Variants in RAB3C observed in about 807,000 individuals in gnomAD.
RAB3C encodes RAB3C, member RAS oncogene family.
RAB3C carries 17 observed loss-of-function variants against 26.4 expected under a neutral mutation model. The observed-to-expected ratio is 0.64, with a 90% confidence interval of 0.44 to 0.97. The LOEUF (loss-of-function observed/expected upper bound fraction) is 0.97, where lower values mean the gene tolerates loss of function less well. RAB3C is among the 50% of genes least tolerant of loss of function. The pLI is 0.00. For missense variants in RAB3C, 242 were observed against 281.9 expected, an observed-to-expected ratio of 0.86 and a Z score of 1.01; for synonymous variants, 91 against 95.9, an observed-to-expected ratio of 0.95 and a Z score of 0.30.
chr5:58,598,977 C>G (rs1746390493), intron 1 of RAB3C, among the ~76,000 whole-genome samples: 1 of 152,140 alleles, frequency 6.6e-6, no homozygotes, highest in Non-Finnish European at 1.5e-5. Context: ...CATACCAACA[C>G]TTTTCCTTTG....
chr5:58,731,894 C>T (rs1322920344), intron 3 of RAB3C, among the ~76,000 whole-genome samples: 1 of 152,058 alleles, frequency 6.6e-6, no homozygotes, highest in East Asian at 1.9e-4. Context: ...TGGCATTGGC[C>T]TGAGATAAGC....
intron 1 of RAB3C, among the ~76,000 whole-genome samples, chr5:58,589,914 G>C (rs1254793653): frequency 6.6e-6 from 1 of 152,190 alleles, no homozygotes; most frequent in Non-Finnish European, 1.5e-5. Flanking sequence ...GAAGAAGGCT[G>C]TGTGTCAAGG....
At chr5:58,590,631 C>T (rs1252685393) in intron 1 of RAB3C, among the ~76,000 whole-genome samples, 2 of 152,036 alleles carry the variant, frequency 1.3e-5, no homozygotes, top group African/African-American at 4.8e-5. Flanking sequence ...CAATCTCTAC[C>T]TCCTGGGTTC....
intron 3 of RAB3C, among the ~76,000 whole-genome samples, chr5:58,797,763 C>T (rs2112023068): frequency 6.6e-6 from 1 of 152,236 alleles, no homozygotes; most frequent in East Asian, 1.9e-4. Context: ...CTTTTAACCA[C>T]AGGCCTACAG....
chr5:58,695,117 G>A (rs914796493), intron 2 of RAB3C, among the ~76,000 whole-genome samples: 6 of 152,124 alleles, frequency 3.9e-5, no homozygotes, highest in African/African-American at 1.4e-4. Flanking sequence ...ATGAGGTGTA[G>A]GGAAGGGATC....
At chr5:58,846,151 T>C (rs1743996635) in intron 4 of RAB3C, among the ~76,000 whole-genome samples, 1 of 152,230 alleles carries the variant, frequency 6.6e-6, no homozygotes, top group African/African-American at 2.4e-5. Context: ...ATTCCATTGT[T>C]TATGTATAAC....
chr5:58,758,574 T>C (rs1235502972), intron 3 of RAB3C, among the ~76,000 whole-genome samples: 2 of 152,210 alleles, frequency 1.3e-5, no homozygotes, highest in African/African-American at 2.4e-5. Flanking sequence ...AGAACCGTTC[T>C]GGAAACTGAG....
intron 3 of RAB3C, among the ~76,000 whole-genome samples, chr5:58,781,309 T>C (rs969530465): frequency 6.6e-6 from 1 of 152,180 alleles, no homozygotes; most frequent in African/African-American, 2.4e-5. Context: ...AATTAATACT[T>C]GTATATGTAT....
chr5:58,692,556 A>G (rs985250456), intron 2 of RAB3C, among the ~76,000 whole-genome samples: 1 of 152,070 alleles, frequency 6.6e-6, no homozygotes, highest in Non-Finnish European at 1.5e-5. Flanking sequence ...TTTGGCCCAT[A>G]TGCATCATTT....
chr5:58,759,627 T>G (rs1275474651), intron 3 of RAB3C, among the ~76,000 whole-genome samples: 1 of 152,250 alleles, frequency 6.6e-6, no homozygotes, highest in East Asian at 1.9e-4. Flanking sequence ...TAGCTTTAAT[T>G]ACATATTAGA....
chr5:58,842,491 G>A lies in RAB3C; in HGVS notation c.497-8673G>A, dbSNP rs369186093. ...CAGACTGACCCATGATATTTCATCC[G>A]TGTAAGCCATTAGAATAGTTTTCTC... On this transcript the variant is annotated intron_variant, in intron 4 of 4. Transcript: ENST00000282878. Among the ~76,000 whole-genome samples the A allele has an allele frequency of 3.9e-5, 6 of 152,232 alleles. No homozygotes were observed. The East Asian group carries it at 7.7e-4, about 20-fold the overall frequency.
chr5:58,754,211 G>T (rs1741596080), intron 3 of RAB3C, among the ~76,000 whole-genome samples: 1 of 152,256 alleles, frequency 6.6e-6, no homozygotes, highest in Non-Finnish European at 1.5e-5. Context: ...CCCTGGTTGA[G>T]ACTTGTGCTT....
chr5:58,694,506 C>T (rs1355236624), intron 2 of RAB3C, among the ~76,000 whole-genome samples: 1 of 152,170 alleles, frequency 6.6e-6, no homozygotes, highest in Non-Finnish European at 1.5e-5. Flanking sequence ...GAGGAATCAC[C>T]ACACTGTCTT....
intron 3 of RAB3C, among the ~76,000 whole-genome samples, chr5:58,774,355 A>G (rs531296205): frequency 6.6e-6 from 1 of 152,100 alleles, no homozygotes; most frequent in African/African-American, 2.4e-5. Context: ...CTCCTCTGGG[A>G]TCATTTATAT....
chr5:58,644,568 A>C (rs1463580136), intron 2 of RAB3C: 1 of 152,114 alleles, frequency 6.6e-6, no homozygotes, highest in Non-Finnish European at 1.5e-5. Flanking sequence ...TGTGGAGTGG[A>C]GTTGTCAGTG....
intron 3 of RAB3C, among the ~76,000 whole-genome samples, chr5:58,737,628 A>G (rs1741179501): frequency 6.6e-6 from 1 of 151,800 alleles, no homozygotes; most frequent in African/African-American, 2.4e-5. Flanking sequence ...TGACAGAATG[A>G]GAATTATATA....
Position 58,612,528 on chromosome 5 carries a change from ATATATATATATATATATATG to A in RAB3C, c.25-5099_25-5080del, listed in dbSNP as rs1399343812. The stretch of plus-strand genomic sequence containing the variant: ...TGTGTGTGTGTGTGTGTGTATATAT[ATATATATATATATATATATG>A]TATATATATATATATGTATATATAT... On this transcript the variant is annotated intron_variant, in intron 1 of 4. Coordinates refer to ENST00000282878, the MANE Select transcript of RAB3C (RefSeq NM_138453.4). 6.5e-3 allele frequency among the ~76,000 whole-genome samples: 361 copies of A among 55,268 alleles called. 1 individual carries two copies. The highest frequency in any genetic ancestry group is 0.016 in the African/African-American group (238 of 14,882). The allele number at this position is 55,268 out of a possible 152,430, so 36.3% of individuals were successfully genotyped here.
chr5:58,715,469 G>T (rs549941605), intron 2 of RAB3C, among the ~76,000 whole-genome samples: 12 of 151,898 alleles, frequency 7.9e-5, no homozygotes, highest in African/African-American at 2.4e-4. Context: ...AGAAGAAGAA[G>T]AATCTTGAAT....
At chr5:58,843,400 G>A (rs562285137) in intron 4 of RAB3C, among the ~76,000 whole-genome samples, 1 of 152,236 alleles carries the variant, frequency 6.6e-6, no homozygotes, top group South Asian at 2.1e-4. Flanking sequence ...TCATAAATAG[G>A]CTGAGCTGGA....
Sources: allele counts gnomAD v4.1 joint callset (sites outside exome capture counted in the v4.1 genomes callset), GRCh38; gene constraint gnomAD v4.1.1; transcripts MANE v1.5; gene names NCBI Gene and HGNC (gene_info 2026-07-23, HGNC 2026-07-21).